DYNC2H1: variants seen among roughly 807,000 people sequenced by gnomAD.
DYNC2H1 encodes the protein cytoplasmic dynein 2 heavy chain 1.
A neutral mutation model predicts 570.0 loss-of-function variants in DYNC2H1; 410 were observed. The ratio of observed to expected loss-of-function variants is 0.72; its 90% CI spans 0.66 to 0.78. DYNC2H1 has a LOEUF of 0.78. Among genes scored for constraint, DYNC2H1 ranks in the 30% least tolerant of loss-of-function variants. DYNC2H1 has a pLI of 0.00. For missense variants in DYNC2H1, 4,865 were observed against 5,046.4 expected (o/e 0.96, Z 1.09); for synonymous variants, 1,688 against 1,677.6 (o/e 1.01, Z -0.15).
At chr11:103,343,249 C>T (rs59802829) in intron 82 of DYNC2H1, among the ~76,000 whole-genome samples, 5,514 of 152,202 alleles carry the variant, frequency 0.036, 188 homozygotes, top group African/African-American at 0.087. Flanking sequence ...AGTTAAGTCG[C>T]CCAAGCGCAA....
At chr11:103,141,357 A>G (rs1384353177) in intron 17 of DYNC2H1, among the ~76,000 whole-genome samples, 3 of 151,954 alleles carry the variant, frequency 2.0e-5, no homozygotes, top group South Asian at 2.1e-4. Flanking sequence ...GTCTTCAATG[A>G]TGGTGATGTA....
rs543178230 is a variant in DYNC2H1, at chr11:103,245,942, G to A, written c.10042+568G>A. 1.6e-4 allele frequency among the ~76,000 whole-genome samples: 24 copies of A among 152,242 alleles called. No individual in the cohort carries two copies. The highest frequency in any genetic ancestry group is 5.3e-4 in the African/African-American group (22 of 41,574). On this transcript the variant is annotated intron_variant, in intron 65 of 88. Transcript: ENST00000375735. The surrounding 1 kb of genome is among the most constrained non-coding windows in gnomAD (Gnocchi z 4.5). ...TATGTAGACGTGTACATATACGTAC[G>A]TGAATGTATGCCACATACGTTGCTA...
chr11:103,412,310 T>G (rs1943120005), intron 84 of DYNC2H1, among the ~76,000 whole-genome samples: 1 of 152,148 alleles, frequency 6.6e-6, no homozygotes, highest in Non-Finnish European at 1.5e-5. Context: ...TTTTATTTCT[T>G]TGATAACTTA....
intron 84 of DYNC2H1, among the ~76,000 whole-genome samples, chr11:103,425,696 AACG>A (rs1025568606): frequency 4.0e-4 from 61 of 152,140 alleles, no homozygotes; most frequent in African/African-American, 1.5e-3. Flanking sequence ...GCTATTTAAC[AACG>A]AATTTAAATA....
intron 70 of DYNC2H1, among the ~76,000 whole-genome samples, chr11:103,273,671 C>A (rs1158624698): frequency 6.6e-6 from 1 of 152,044 alleles, no homozygotes; most frequent in African/African-American, 2.4e-5. Flanking sequence ...TTTATTGGTA[C>A]AGGTAGGCAA....
chr11:103,133,631 A>C lies in DYNC2H1; in HGVS notation c.2030A>C (p.Lys677Thr). 6.2e-7 allele frequency: 1 copy of C among 1,613,312 alleles called. No homozygotes were observed. Among genetic ancestry groups the C allele is most frequent in the South Asian group, 1.1e-5 (1 of 90,800 alleles). The change falls in exon 14 of 89, where the codon AAA (lysine) becomes ACA (threonine). Residue 677 changes from lysine to threonine, a missense_variant. Coordinates refer to ENST00000375735, the MANE Select transcript of DYNC2H1 (RefSeq NM_001377.3). This position sits in a 1 kb window ranked among gnomAD's most constrained non-coding sequence, Gnocchi z 4.8. Reference sequence around the variant, plus strand: ...AAAGAATTAGAAGGCTATATCCAAAAACTCCAAAATGCTGCTGAACGGCTT... The same window carrying C: ...AAAGAATTAGAAGGCTATATCCAAACACTCCAAAATGCTGCTGAACGGCTT... ...NPKELEGYIQKLQNAAERLAT... is the reference protein window; with the variant it reads ...NPKELEGYIQTLQNAAERLAT...
chr11:103,393,885 C>A (rs961931909), intron 83 of DYNC2H1, among the ~76,000 whole-genome samples: 1 of 152,186 alleles, frequency 6.6e-6, no homozygotes, highest in African/African-American at 2.4e-5. Flanking sequence ...CTGGAGAACT[C>A]CTCTTTATAA....
At chr11:103,297,842 A>G (rs1866898684) in intron 75 of DYNC2H1, among the ~76,000 whole-genome samples, 1 of 152,112 alleles carries the variant, frequency 6.6e-6, no homozygotes, top group South Asian at 2.1e-4. Flanking sequence ...ACAAGCTATC[A>G]TCAGCTCTCA....
At chr11:103,123,918 T>C (rs1858854147) in intron 11 of DYNC2H1, among the ~76,000 whole-genome samples, 1 of 152,136 alleles carries the variant, frequency 6.6e-6, no homozygotes, top group Admixed American at 6.6e-5. Context: ...CAAACTAAAT[T>C]TGAAGATCAA....
chr11:103,391,607 T>G (rs1942154487), intron 83 of DYNC2H1, among the ~76,000 whole-genome samples: 1 of 152,176 alleles, frequency 6.6e-6, no homozygotes, highest in Non-Finnish European at 1.5e-5. Context: ...TCTGCTCTGT[T>G]TTTTCCCCAT....
intron 60 of DYNC2H1, among the ~76,000 whole-genome samples, chr11:103,233,414 A>G (rs139088341): frequency 8.7e-4 from 132 of 151,992 alleles, no homozygotes; most frequent in Admixed American, 1.9e-3. Context: ...TCACACACAT[A>G]TTTTTCAAGG....
Position 103,256,101 on chromosome 11 carries a change from T to A in DYNC2H1, c.10327-5T>A. ...TAATATTCATATTGTTAACTTTCCCTACAGACACTTGCCACATCTCAAGGC... is the reference window on the plus strand; with the variant it reads ...TAATATTCATATTGTTAACTTTCCCAACAGACACTTGCCACATCTCAAGGC... On this transcript the variant is annotated splice_region_variant and splice_polypyrimidine_tract_variant and intron_variant, in intron 67 of 88. Coordinates refer to ENST00000375735, the MANE Select transcript of DYNC2H1 (RefSeq NM_001377.3). This position sits in a 1 kb window ranked among gnomAD's most constrained non-coding sequence, Gnocchi z 4.0. 1.3e-6 allele frequency: 2 copies of A among 1,595,688 alleles called. No individual in the cohort carries two copies. The highest frequency in any genetic ancestry group is 1.7e-6 in the Non-Finnish European group (2 of 1,169,478).
intron 82 of DYNC2H1, among the ~76,000 whole-genome samples, chr11:103,352,929 T>C (rs904863472): frequency 6.6e-6 from 1 of 152,152 alleles, no homozygotes; most frequent in African/African-American, 2.4e-5. Flanking sequence ...TGGGTAAAGA[T>C]AATGTTGTAC....
At chr11:103,132,108 T>C (rs1859308927) in intron 13 of DYNC2H1, among the ~76,000 whole-genome samples, 1 of 152,134 alleles carries the variant, frequency 6.6e-6, no homozygotes, top group Non-Finnish European at 1.5e-5. Context: ...TGTATGTATA[T>C]ATATACAAAA....
At chr11:103,390,161 C>T in intron 83 of DYNC2H1, among the ~76,000 whole-genome samples, 1 of 152,106 alleles carries the variant, frequency 6.6e-6, no homozygotes, top group South Asian at 2.1e-4. Context: ...TAAGGACTTC[C>T]TTTATGAATC....
Position 103,189,607 on chromosome 11 carries a change from C to T in DYNC2H1, c.7293-65C>T, listed in dbSNP as rs1862214127. On this transcript the variant is annotated intron_variant, in intron 44 of 88. Transcript: ENST00000375735. This position sits in a 1 kb window ranked among gnomAD's most constrained non-coding sequence, Gnocchi z 4.3. ...TTTCAAAACCACTGTTGTAACTTAACATTGAAATATTAATTTGGAATACTG... is the reference window on the plus strand; with the variant it reads ...TTTCAAAACCACTGTTGTAACTTAATATTGAAATATTAATTTGGAATACTG... The T allele has an allele frequency of 1.3e-6, 2 of 1,502,884 alleles. No homozygotes were observed. Among genetic ancestry groups the T allele is most frequent in the Admixed American group, 3.7e-5 (2 of 54,542 alleles). The allele number at this position is 1,502,884 out of a possible 1,614,324, so 93.1% of individuals were successfully genotyped here. A position where few individuals can be genotyped will look rare whatever the true frequency, so the allele number is the denominator to read the frequency against.
chr11:103,225,955 A>ATTT, intron 59 of DYNC2H1, among the ~76,000 whole-genome samples: 1 of 147,694 alleles, frequency 6.8e-6, no homozygotes, highest in East Asian at 2.0e-4. Context: ...ATTCCTAAGT[A>ATTT]TTTTTTTTTT....
chr11:103,282,247 A>C lies in DYNC2H1; in HGVS notation c.10812+18A>C. ...GGAAAGCTGTAAGTTAAAATAACAA[A>C]ATCTATTTTGCTCTTAAAGAAAATA... On this transcript the variant is annotated intron_variant, in intron 72 of 88. Transcript: ENST00000375735. 1 of 1,605,584 alleles carries C rather than the reference A, an allele frequency of 6.2e-7. No individual in the cohort carries two copies. Among genetic ancestry groups the C allele is most frequent in the Non-Finnish European group, 8.5e-7 (1 of 1,176,484 alleles).
At chr11:103,349,381 CGT>C (rs544036451) in intron 82 of DYNC2H1, among the ~76,000 whole-genome samples, 95 of 151,952 alleles carry the variant, frequency 6.3e-4, no homozygotes, top group African/African-American at 2.1e-3. Flanking sequence ...TTATATGTTC[CGT>C]GTGTCTTATT....
Sources: gnomAD v4.1 joint callset for allele counts (sites outside exome capture counted in the v4.1 genomes callset) on GRCh38, gnomAD v4.1.1 for gene constraint, Gnocchi (gnomAD v3.1) non-coding constraint, MANE v1.5 for transcripts, NCBI Gene and HGNC (gene_info 2026-07-23, HGNC 2026-07-21) for gene names.